The following GPR149 variants were observed in gnomAD, a reference collection of about 807,000 sequenced individuals.
GPR149 encodes probable G protein-coupled receptor 149.
GPR149 carries 50 observed loss-of-function variants against 50.2 expected under a neutral mutation model. The ratio of observed to expected loss-of-function variants is 1.00; its 90% confidence interval spans 0.79 to 1.26. The LOEUF is 1.26. GPR149 is among the 50% of genes most tolerant of loss of function. The pLI, the probability that GPR149 is intolerant of heterozygous loss-of-function variation, is 0.00. For missense variants in GPR149, 983 were observed against 895.4 expected (o/e 1.10, Z -1.25); for synonymous variants, 405 against 358.2 (o/e 1.13, Z -1.48).
intron 3 of GPR149, among the ~76,000 whole-genome samples, chr3:154,417,186 T>C (rs1436678282): frequency 6.6e-6 from 1 of 151,924 alleles, no homozygotes; most frequent in African/African-American, 2.4e-5. Context: ...TAAAAAACTC[T>C]GACGTTTCTT....
At chr3:154,426,123 T>C (rs1712286411) in intron 2 of GPR149, among the ~76,000 whole-genome samples, 1 of 152,204 alleles carries the variant, frequency 6.6e-6, no homozygotes, top group South Asian at 2.1e-4. Context: ...CCATAAGGGT[T>C]TATTATTAAT....
chr3:154,421,360 C>T lies in GPR149; in HGVS notation c.1302G>A (p.Glu434=), dbSNP rs1239286812. ...TCTGAGGGTCTTTTGTAGTTTCACA[C>T]TCAGAGTTCATCAGGTTGTGATAGA... The part of the protein sequence containing the change: ...SIFYHNLMNS[E]CETTKDPQRD... Residue 434 remains glutamate, a synonymous_variant, in exon 3 of 4, where the codon GAG becomes GAA. Transcript: ENST00000389740. 7 of 1,612,984 alleles carry T rather than the reference C, an allele frequency of 4.3e-6. No homozygotes were observed. Among genetic ancestry groups the T allele is most frequent in the Non-Finnish European group, 5.9e-6 (7 of 1,179,362 alleles).
chr3:154,388,053 T>A (rs1405010735), intron 3 of GPR149, among the ~76,000 whole-genome samples: 1 of 152,194 alleles, frequency 6.6e-6, no homozygotes, highest in Non-Finnish European at 1.5e-5. Flanking sequence ...TTTTGCCTAT[T>A]TTGAATTGCA....
chr3:154,346,846 C>G (rs999748115), intron 3 of GPR149, among the ~76,000 whole-genome samples: 3 of 152,150 alleles, frequency 2.0e-5, no homozygotes, highest in Admixed American at 6.5e-5. Flanking sequence ...ATCTGCTCGC[C>G]TTGGCCTCCC....
At chr3:154,372,978 T>C (rs1714701875) in intron 3 of GPR149, among the ~76,000 whole-genome samples, 1 of 152,114 alleles carries the variant, frequency 6.6e-6, no homozygotes, top group Non-Finnish European at 1.5e-5. Flanking sequence ...ATGTCCAATT[T>C]TAGAAATTCA....
intron 3 of GPR149, among the ~76,000 whole-genome samples, chr3:154,378,657 G>A (rs921318867): frequency 2.0e-5 from 3 of 152,140 alleles, no homozygotes; most frequent in African/African-American, 7.2e-5. Context: ...GCAATAGTCT[G>A]TACAGAAATT....
chr3:154,345,702 G>A (rs1398225185), intron 3 of GPR149, among the ~76,000 whole-genome samples: 1 of 152,132 alleles, frequency 6.6e-6, no homozygotes, highest in African/African-American at 2.4e-5. Flanking sequence ...CGAGCCTCCA[G>A]GTGAATCCAG....
chr3:154,377,993 C>G (rs1310295184), intron 3 of GPR149, among the ~76,000 whole-genome samples: 2 of 151,646 alleles, frequency 1.3e-5, no homozygotes, highest in Non-Finnish European at 2.9e-5. Flanking sequence ...ACTTTGCATA[C>G]TGTTTTTGAA....
intron 3 of GPR149, among the ~76,000 whole-genome samples, chr3:154,338,973 C>A (rs1713720376): frequency 6.6e-6 from 1 of 152,052 alleles, no homozygotes; most frequent in South Asian, 2.1e-4. Flanking sequence ...TAAAACTGTA[C>A]TTACCACTGA....
In GPR149 at chr3:154,429,211, G is replaced by A. The variant is rs778286864; in HGVS notation, c.405C>T (p.His135=). 3 of 1,614,160 alleles carry A rather than the reference G, an allele frequency of 1.9e-6. No individual in the cohort carries two copies. The highest frequency in any genetic ancestry group is 2.5e-6 in the Non-Finnish European group (3 of 1,180,040). ...AGGCTGTCTGGCTCCCCACACCTCT[G>A]TGCATCGTATAAAAGTTGTAAGAGA... ...LLVSYNFYTM[H]RGVGSQTASR... Residue 135 remains histidine, a synonymous_variant, in exon 1 of 4, where the codon CAC becomes CAT. Coordinates refer to ENST00000389740, the MANE Select transcript of GPR149 (RefSeq NM_001038705.3).
intron 3 of GPR149, 44 bp from the exon 4 acceptor site, chr3:154,338,315 G>A (rs1713706322): frequency 1.4e-6 from 2 of 1,402,036 alleles, no homozygotes; most frequent in Admixed American, 2.3e-5. Flanking sequence ...GCTAGGTTCT[G>A]AGGTTGAGAC....
intron 3 of GPR149, among the ~76,000 whole-genome samples, chr3:154,372,123 G>A (rs939801398): frequency 5.3e-5 from 8 of 152,198 alleles, no homozygotes; most frequent in Admixed American, 1.3e-4. Flanking sequence ...CAGTTGGGGT[G>A]TCCTGTCTAG....
intron 3 of GPR149, among the ~76,000 whole-genome samples, chr3:154,404,409 A>G (rs1711619217): frequency 6.6e-6 from 1 of 152,194 alleles, no homozygotes; most frequent in African/African-American, 2.4e-5. Context: ...TACTCTAAAT[A>G]TAAGTTCTCT....
chr3:154,336,515 T>G lies in GPR149; in HGVS notation c.*1184A>C, dbSNP rs1713659690. 6.6e-6 allele frequency: 1 copy of G among 152,070 alleles called. No homozygotes were observed. Among genetic ancestry groups the G allele is most frequent in the Non-Finnish European group, 1.5e-5 (1 of 67,934 alleles). 9.4% of individuals were successfully genotyped at this position (152,070 alleles called of 1,614,324 possible). On this transcript the variant is annotated 3_prime_UTR_variant, in exon 4 of 4. Transcript: ENST00000389740. ...TACAGGAAGGTTAGAATAAAGCAAT[T>G]TGAAGGAAAATCACTTTATAATTTT...
In GPR149 at chr3:154,351,311, T is replaced by TGCAAAAAAAAAAAAAAAAAAAAAAAAAA. The variant is rs1341107044; in HGVS notation, c.1624-13041_1624-13040insTTTTTTTTTTTTTTTTTTTTTTTTTTGC. Reference sequence around the variant, plus strand: ...GTGCTAGGGCAATTAGACATCCACATACAAAAAAAAAAAAAAAAAAAAAAA... The same window carrying TGCAAAAAAAAAAAAAAAAAAAAAAAAAA: ...GTGCTAGGGCAATTAGACATCCACATGCAAAAAAAAAAAAAAAAAAAAAAAAAAACAAAAAAAAAAAAAAAAAAAAAAA... On this transcript the variant is annotated intron_variant, in intron 3 of 3. Transcript: ENST00000389740. 1.0e-4 allele frequency among the ~76,000 whole-genome samples: 2 copies of TGCAAAAAAAAAAAAAAAAAAAAAAAAAA among 19,680 alleles called. 1 individual carries two copies. The highest frequency in any genetic ancestry group is 1.8e-4 in the Non-Finnish European group (2 of 11,340). The allele number at this position is 19,680 out of a possible 152,430, so 12.9% of individuals were successfully genotyped here.
intron 3 of GPR149, among the ~76,000 whole-genome samples, chr3:154,402,521 T>G (rs567151835): frequency 6.6e-6 from 1 of 152,110 alleles, no homozygotes; most frequent in African/African-American, 2.4e-5. Flanking sequence ...GTTTCAAAGA[T>G]CCATGAAAGT....
chr3:154,353,098 G>A (rs1714123527), intron 3 of GPR149: 2 of 1,464,228 alleles, frequency 1.4e-6, no homozygotes, highest in African/African-American at 2.8e-5. Flanking sequence ...TGGGCATTCT[G>A]TTTTATGTGT....
intron 3 of GPR149, among the ~76,000 whole-genome samples, chr3:154,365,830 A>C (rs929981440): frequency 6.6e-6 from 1 of 152,140 alleles, no homozygotes; most frequent in Non-Finnish European, 1.5e-5. Context: ...TTTTCTATCC[A>C]TATTTCTACC....
chr3:154,426,982 TG>T (rs1460015372), intron 2 of GPR149, among the ~76,000 whole-genome samples: 2 of 151,974 alleles, frequency 1.3e-5, no homozygotes, highest in Non-Finnish European at 1.5e-5. Flanking sequence ...TTCCTTACTC[TG>T]AAAACTTTCC....
Sources: allele counts gnomAD v4.1 joint callset (sites outside exome capture counted in the v4.1 genomes callset), GRCh38; gene constraint gnomAD v4.1.1; transcripts MANE v1.5; gene names NCBI Gene and HGNC (gene_info 2026-07-23, HGNC 2026-07-21).